SLC19A1: variants seen among roughly 807,000 people sequenced by gnomAD.
SLC19A1 encodes the protein reduced folate transporter.
A neutral mutation model predicts 35.3 loss-of-function variants in SLC19A1; 37 were observed. The ratio of observed to expected loss-of-function variants is 1.05; its 90% CI spans 0.81 to 1.38. The LOEUF is 1.38. SLC19A1 is among the 40% of genes most tolerant of loss of function. The probability of loss-of-function intolerance (pLI) is 0.00; values close to 1 mark genes in which losing one functional copy is unlikely to be tolerated. For missense variants in SLC19A1, 831 were observed against 826.9 expected (o/e 1.00, Z -0.06); for synonymous variants, 460 against 398.5 (o/e 1.15, Z -1.84).
rs572466399 is a variant in SLC19A1 at position 45,514,687 on chromosome 21, C to G, written c.*971G>C. On this transcript the variant is annotated 3_prime_UTR_variant, in exon 6 of 6. Coordinates refer to ENST00000311124, the MANE Select transcript of SLC19A1 (RefSeq NM_194255.4). ...CTGACCCTCAACCCCCAGGCCAGGCCGGCCCTGAATCAGAAGCCCTGCGCA... is the reference window on the plus strand; with the variant it reads ...CTGACCCTCAACCCCCAGGCCAGGCGGGCCCTGAATCAGAAGCCCTGCGCA... The G allele has an allele frequency of 9.7e-5, 29 of 299,654 alleles. No individual in the cohort carries two copies. Among genetic ancestry groups the G allele is most frequent in the Middle Eastern group, 1.7e-3 (2 of 1,160 alleles). The allele number at this position is 299,654 out of a possible 1,614,324, so 18.6% of individuals were successfully genotyped here. A position where few individuals can be genotyped will look rare whatever the true frequency, so the allele number is the denominator to read the frequency against.
At chr21:45,519,343 T>C (rs151270761) in intron 5 of SLC19A1, among the ~76,000 whole-genome samples, 1,966 of 152,114 alleles carry the variant, frequency 0.013, 39 homozygotes, top group African/African-American at 0.041. Context: ...ATATACAAAT[T>C]ATCACATTAA....
downstream of SLC19A1, chr21:45,509,690 G>A: frequency 6.1e-6 from 5 of 816,662 alleles, no homozygotes; most frequent in Non-Finnish European, 1.0e-5. Flanking sequence ...GAGCTGCTGG[G>A]GGTCCCAGGC....
chr21:45,537,842 G>A lies in SLC19A1; in HGVS notation c.118C>T (p.Gln40Ter). 1 of 1,607,764 alleles carries A rather than the reference G, an allele frequency of 6.2e-7. No homozygotes were observed. Among genetic ancestry groups the A allele is most frequent in the Non-Finnish European group, 8.5e-7 (1 of 1,178,622 alleles). ...CYLCFYGFMAQIRPGESFITP... is the reference protein window; with the variant it reads ...CYLCFYGFMA ...ATGAAGCTCTCCCCTGGCCGTATCT[G>A]CGCCATGAAGCCGTAGAAGCAAAGG... is the stretch of plus-strand genomic sequence containing the variant. Residue 40 changes from glutamine (Q) to a stop codon, truncating the protein, a stop_gained, in exon 2 of 6, where the codon CAG (glutamine) becomes TAG (stop). Coordinates refer to ENST00000311124, the MANE Select transcript of SLC19A1 (RefSeq NM_194255.4). LOFTEE classifies it high-confidence loss of function.
downstream of SLC19A1, chr21:45,512,271 C>A: frequency 6.2e-7 from 1 of 1,611,794 alleles, no homozygotes; most frequent in Non-Finnish European, 8.5e-7. Flanking sequence ...CGGACGGAGG[C>A]TCCCTCGGCC....
chr21:45,543,618 G>T (rs2078376271), upstream of SLC19A1, among the ~76,000 whole-genome samples: 1 of 152,240 alleles, frequency 6.6e-6, no homozygotes, highest in African/African-American at 2.4e-5. Context: ...ATGGCCGCCT[G>T]CCCAAAGCTC....
chr21:45,505,981 T>A lies in SLC19A1; in HGVS notation c.498-7369A>T, dbSNP rs1268632134. 3.1e-6 allele frequency: 5 copies of A among 1,612,932 alleles called. No individual in the cohort carries two copies. The East Asian group carries it at 8.9e-5, about 29-fold the overall frequency. On this transcript the variant is annotated intron_variant, in intron 3 of 4. Transcript: ENST00000417954. ...GGAAGGTCCAGGTGAGCGCTCTGTG[T>A]GACGGGTTCTGGACCCGTGGAAGGG...
chr21:45,511,165 C>A, downstream of SLC19A1: 1 of 1,602,118 alleles, frequency 6.2e-7, no homozygotes. Context: ...TGAGGGTCCG[C>A]TGAAGCCCGG....
chr21:45,515,779 T>C lies in SLC19A1; in HGVS notation c.1655A>G (p.Gln552Arg), dbSNP rs942338226. The C allele has an allele frequency of 1.2e-6, 2 of 1,613,542 alleles. No individual in the cohort carries two copies. Residue 552 changes from glutamine to arginine, a missense_variant, in exon 6 of 6, where the codon CAA (glutamine) becomes CGA (arginine). By Grantham distance (43) the Gln-to-Arg change is conservative (BLOSUM62 1). Coordinates refer to ENST00000311124, the MANE Select transcript of SLC19A1 (RefSeq NM_194255.4). The stretch of plus-strand genomic sequence containing the variant: ...ATCTGCAGCCTCAGGGCCTGAGGCT[T>C]GGGCGGAGCACAGAGTGCAGGGGGA... Reference protein sequence around the residue: ...TPSPCTLCSAQASGPEAADET... With the variant: ...TPSPCTLCSARASGPEAADET...
At chr21:45,509,264 G>GC, downstream of SLC19A1, 2 of 1,505,532 alleles carry the variant, frequency 1.3e-6, no homozygotes. Context: ...TCAGAGCCCA[G>GC]CCCCTCTCAC....
rs549275804 is a variant in SLC19A1 at position 45,531,417 on chromosome 21, G to A, written c.921C>T (p.Gly307=). The A allele has an allele frequency of 6.3e-6, 10 of 1,596,386 alleles. No individual in the cohort carries two copies. The highest frequency in any genetic ancestry group is 4.5e-5 in the East Asian group (2 of 44,668). Residue 307 remains glycine (G), a synonymous_variant, in exon 3 of 6, where the codon GGC becomes GGT. Coordinates refer to ENST00000311124, the MANE Select transcript of SLC19A1 (RefSeq NM_194255.4). ...PTTNSARVYN[G]AADAASTLLG... ...GCAGCGTGGAGGCAGCATCTGCCGC[G>A]CCGTTGTAGACCCGCGCACTGTTGG...
intron 3 of SLC19A1, chr21:45,504,471 G>A: frequency 1.2e-6 from 2 of 1,608,944 alleles, no homozygotes; most frequent in Middle Eastern, 1.8e-4. Context: ...GGGGAGCCCG[G>A]GGGCGGCGGT....
chr21:45,503,722 C>T (rs1029608807), intron 3 of SLC19A1, among the ~76,000 whole-genome samples: 2 of 151,530 alleles, frequency 1.3e-5, no homozygotes, highest in African/African-American at 4.9e-5. Flanking sequence ...ACCAGCATGG[C>T]ACATGTATAC....
At chr21:45,557,079 C>G (rs2078570591) in intron 1 of SLC19A1, among the ~76,000 whole-genome samples, 1 of 152,178 alleles carries the variant, frequency 6.6e-6, no homozygotes, top group Admixed American at 6.5e-5. Flanking sequence ...GGTACCAGGA[C>G]TTGGGCACCA....
chr21:45,514,907 C>T lies in SLC19A1; in HGVS notation c.*751G>A, dbSNP rs1051104952. On this transcript the variant is annotated 3_prime_UTR_variant, in exon 6 of 6. Transcript: ENST00000311124. Reference sequence around the variant, plus strand: ...AGCCTGGCACATACCAAGGCCAGCACGTCCGCGGTGACCGGGACCAGTCCC... The same window carrying T: ...AGCCTGGCACATACCAAGGCCAGCATGTCCGCGGTGACCGGGACCAGTCCC... 11 of 1,246,464 alleles carry T rather than the reference C, an allele frequency of 8.8e-6. No individual in the cohort carries two copies. The East Asian group carries it at 1.4e-4, about 16-fold the overall frequency. The allele number at this position is 1,246,464 out of a possible 1,614,324, so 77.2% of individuals were successfully genotyped here. A position where few individuals can be genotyped will look rare whatever the true frequency, so the allele number is the denominator to read the frequency against.
In SLC19A1 at chr21:45,515,295, T is replaced by C. The variant is rs73228786; in HGVS notation, c.*363A>G. 0.021 allele frequency: 30,781 copies of C among 1,471,704 alleles called. 364 individuals carry two copies. The highest frequency in any genetic ancestry group is 0.024 in the Non-Finnish European group (26,469 of 1,124,574). 91.2% of individuals were successfully genotyped at this position (1,471,704 alleles called of 1,614,324 possible). On this transcript the variant is annotated 3_prime_UTR_variant, in exon 6 of 6. Transcript: ENST00000311124. ...GCTCACAACTCCTGTGGGGCCAGTG[T>C]CCCCTGAGCTGGTATCCAAGAGGCC...
intron 5 of SLC19A1, among the ~76,000 whole-genome samples, chr21:45,519,702 A>G (rs2077383363): frequency 6.6e-6 from 1 of 152,170 alleles, no homozygotes; most frequent in Admixed American, 6.5e-5. Context: ...CGTGTATGCA[A>G]CAAACAAAAG....
At position 45,526,048 on chromosome 21, in the gene SLC19A1, A is replaced by G. The variant is rs563361963; in HGVS notation, c.1152-90T>C. Reference sequence around the variant, plus strand: ...CCTGCAGCCCGGCTCCCACCAGCCCATGACCCGCCCGGCAGCCACGGGGTC... The same window carrying G: ...CCTGCAGCCCGGCTCCCACCAGCCCGTGACCCGCCCGGCAGCCACGGGGTC... On this transcript the variant is annotated intron_variant, in intron 4 of 5. Coordinates refer to ENST00000311124, the MANE Select transcript of SLC19A1 (RefSeq NM_194255.4). 1.0e-5 allele frequency: 15 copies of G among 1,447,878 alleles called. No homozygotes were observed. The African/African-American group carries it at 2.1e-4, about 20-fold the overall frequency. The allele number at this position is 1,447,878 out of a possible 1,614,324, so 89.7% of individuals were successfully genotyped here. A position where few individuals can be genotyped will look rare whatever the true frequency, so the allele number is the denominator to read the frequency against.
chr21:45,542,211 G>A (rs2078331797), intron 1 of SLC19A1, among the ~76,000 whole-genome samples, 157 bp downstream of exon 1: 2 of 121,234 alleles, frequency 1.6e-5, no homozygotes, highest in Admixed American at 1.7e-4. Flanking sequence ...CCCACGCCCC[G>A]CACCCTCCCC....
intron 1 of SLC19A1, among the ~76,000 whole-genome samples, chr21:45,539,029 C>T (rs1484400126): frequency 6.6e-6 from 1 of 152,236 alleles, no homozygotes; most frequent in Non-Finnish European, 1.5e-5. Context: ...ACAAATCGTG[C>T]CTTTCAGCTG....
Sources: gnomAD v4.1 joint callset for allele counts (sites outside exome capture counted in the v4.1 genomes callset) on GRCh38, gnomAD v4.1.1 for gene constraint, MANE v1.5 for transcripts, NCBI Gene and HGNC (gene_info 2026-07-23, HGNC 2026-07-21) for gene names.